HTR1F: variants seen among roughly 807,000 people sequenced by gnomAD.
The protein encoded by HTR1F is 5-hydroxytryptamine (serotonin) receptor 1F, G protein-coupled.
HTR1F carries 17 observed loss-of-function variants against 24.0 expected under a neutral mutation model. That is an observed-to-expected ratio of 0.71 (90% CI 0.48 to 1.06). HTR1F has a LOEUF of 1.06. Among genes scored for constraint, HTR1F ranks in the 50% least tolerant of loss-of-function variants. HTR1F has a pLI of 0.00. For missense variants in HTR1F, 391 were observed against 427.8 expected (o/e 0.91, Z 0.76); for synonymous variants, 186 against 156.8 (o/e 1.19, Z -1.39).
chr3:87,895,083 C>T (rs1364545827), intron 2 of HTR1F, among the ~76,000 whole-genome samples: 1 of 152,082 alleles, frequency 6.6e-6, no homozygotes, highest in Non-Finnish European at 1.5e-5. Flanking sequence ...AGAGTATCTA[C>T]TCAGACAGGG....
intron 2 of HTR1F, among the ~76,000 whole-genome samples, chr3:87,869,900 C>G (rs1279480313): frequency 2.0e-5 from 3 of 152,070 alleles, no homozygotes; most frequent in Non-Finnish European, 2.9e-5. Flanking sequence ...AATTAACCAT[C>G]ATAGTTGCGA....
At chr3:87,843,675 C>T (rs1292791966) in intron 2 of HTR1F, among the ~76,000 whole-genome samples, 3 of 94,406 alleles carry the variant, frequency 3.2e-5, no homozygotes, top group Non-Finnish European at 5.5e-5. Context: ...GCTATCCCTC[C>T]CCCTCCCCCA....
rs1483492130 is a variant in HTR1F, at chr3:87,990,941, C to T, written c.192C>T (p.Ser64=). ...LHHPANYLIC[S]LAVTDFLVAV... is the part of the protein sequence containing the mutation. Reference sequence around the variant, plus strand: ...ATCCAGCCAATTATTTAATTTGTTCCCTTGCAGTCACAGATTTTCTTGTGG... The same window carrying T: ...ATCCAGCCAATTATTTAATTTGTTCTCTTGCAGTCACAGATTTTCTTGTGG... Residue 64 remains serine, a synonymous_variant, in exon 3 of 3, where the codon TCC becomes TCT. Transcript: ENST00000319595. The T allele has an allele frequency of 6.2e-7, 1 of 1,614,114 alleles. No homozygotes were observed. Among genetic ancestry groups the T allele is most frequent in the African/African-American group, 1.3e-5 (1 of 75,038 alleles).
rs1213769201 is a variant in HTR1F, at chr3:87,802,410, C to G, written c.-160+9568C>G. Reference sequence around the variant, plus strand: ...GGCTAGAGTGCAATAGTAGGATGATCACAGCTCACAGCAGCCTTGAAATTT... The same window carrying G: ...GGCTAGAGTGCAATAGTAGGATGATGACAGCTCACAGCAGCCTTGAAATTT... On this transcript the variant is annotated intron_variant, in intron 1 of 2. Coordinates refer to ENST00000319595, the MANE Select transcript of HTR1F (RefSeq NM_001322209.2). Among the ~76,000 whole-genome samples, 3 of 149,546 alleles carry G rather than the reference C, an allele frequency of 2.0e-5. No individual in the cohort carries two copies. In the East Asian group the frequency reaches 6.0e-4, roughly 30 times the overall value.
rs151335412 is a variant in HTR1F at position 87,872,311 on chromosome 3, T to G, written c.-43+50187T>G. On this transcript the variant is annotated intron_variant, in intron 2 of 2. Transcript: ENST00000319595. ...CACCTACATTAAATAAAAAGAAAGC[T>G]CTCAAATCAACAACCTGACTTATTT... Among the ~76,000 whole-genome samples the G allele has an allele frequency of 1.3e-3, 204 of 151,602 alleles. 2 individuals carry two copies. The highest frequency in any genetic ancestry group is 4.7e-3 in the African/African-American group (195 of 41,326).
At chr3:87,973,699 G>A (rs571087370) in intron 2 of HTR1F, among the ~76,000 whole-genome samples, 12 of 152,134 alleles carry the variant, frequency 7.9e-5, no homozygotes, top group African/African-American at 2.9e-4. Context: ...ATTACTTCCC[G>A]GAAACTCCTG....
intron 2 of HTR1F, among the ~76,000 whole-genome samples, chr3:87,849,081 T>G (rs1705016400): frequency 6.6e-6 from 1 of 151,490 alleles, no homozygotes; most frequent in Non-Finnish European, 1.5e-5. Context: ...TACCAATGAC[T>G]TTCTTCACAG....
chr3:87,983,379 G>A (rs1216464098), intron 2 of HTR1F, among the ~76,000 whole-genome samples: 7 of 152,142 alleles, frequency 4.6e-5, no homozygotes, highest in Admixed American at 3.3e-4. Context: ...TCAGTAAGCA[G>A]GTCTTCACTG....
intron 1 of HTR1F, among the ~76,000 whole-genome samples, chr3:87,813,364 A>G (rs974930467): frequency 2.0e-5 from 3 of 152,164 alleles, no homozygotes; most frequent in African/African-American, 7.2e-5. Context: ...GTTTTGGCCA[A>G]TTTCACCATT....
intron 2 of HTR1F, among the ~76,000 whole-genome samples, chr3:87,911,246 A>C (rs1703773421): frequency 6.6e-6 from 1 of 152,104 alleles, no homozygotes; most frequent in South Asian, 2.1e-4. Flanking sequence ...AAAAAAGAGA[A>C]GATCCAAATA....
intron 2 of HTR1F, among the ~76,000 whole-genome samples, chr3:87,946,628 T>TGTA: frequency 9.6e-6 from 1 of 103,866 alleles, no homozygotes; most frequent in South Asian, 2.9e-4. Flanking sequence ...TATATATATA[T>TGTA]TTTTTTTTTT....
intron 2 of HTR1F, among the ~76,000 whole-genome samples, chr3:87,942,585 G>T (rs933368493): frequency 4.6e-5 from 7 of 152,130 alleles, no homozygotes; most frequent in Admixed American, 4.6e-4. Flanking sequence ...CTTGGATGAG[G>T]GGGTGGCTTA....
At chr3:87,866,815 C>CGT (rs370665620) in intron 2 of HTR1F, among the ~76,000 whole-genome samples, 12,470 of 99,012 alleles carry the variant, frequency 0.13, 666 homozygotes, top group African/African-American at 0.26. Flanking sequence ...CACAAGTGTG[C>CGT]GTGCGTGTGT....
chr3:87,867,336 C>T (rs1705451479), intron 2 of HTR1F, among the ~76,000 whole-genome samples: 1 of 151,582 alleles, frequency 6.6e-6, no homozygotes, highest in African/African-American at 2.4e-5. Flanking sequence ...TCGAAATGTT[C>T]TATCTTACCT....
chr3:87,977,981 G>A (rs1705435001), intron 2 of HTR1F, among the ~76,000 whole-genome samples: 1 of 152,196 alleles, frequency 6.6e-6, no homozygotes, highest in African/African-American at 2.4e-5. Flanking sequence ...TGCCAAGGGT[G>A]AGCTAGATGC....
At chr3:87,954,428 G>A (rs1196040914) in intron 2 of HTR1F, among the ~76,000 whole-genome samples, 1 of 151,634 alleles carries the variant, frequency 6.6e-6, no homozygotes, top group African/African-American at 2.4e-5. Context: ...ATAAATATAC[G>A]TAGCCACAAT....
chr3:87,882,144 T>G (rs936984058), intron 2 of HTR1F, among the ~76,000 whole-genome samples: 3 of 152,058 alleles, frequency 2.0e-5, no homozygotes, highest in African/African-American at 7.2e-5. Context: ...GAAATGCAAA[T>G]CAAAACCACA....
chr3:87,965,743 G>A (rs1705150767), intron 2 of HTR1F, among the ~76,000 whole-genome samples: 1 of 152,104 alleles, frequency 6.6e-6, no homozygotes, highest in South Asian at 2.1e-4. Context: ...ACTAATTTTA[G>A]ATAGCTTACA....
chr3:87,932,490 C>T (rs1412489852), intron 2 of HTR1F, among the ~76,000 whole-genome samples: 3 of 152,094 alleles, frequency 2.0e-5, no homozygotes, highest in Non-Finnish European at 4.4e-5. Flanking sequence ...ATGCCTCCAG[C>T]TTTGTTCTTT....
Sources: allele counts gnomAD v4.1 joint callset (sites outside exome capture counted in the v4.1 genomes callset), GRCh38; gene constraint gnomAD v4.1.1; transcripts MANE v1.5; gene names NCBI Gene and HGNC (gene_info 2026-07-23, HGNC 2026-07-21).